EEIG2: variants seen among roughly 807,000 people sequenced by gnomAD.
The protein encoded by EEIG2 is EEIG family member 2, also known as family with sequence similarity 102 member B.
the EEIG2 span, among the ~76,000 whole-genome samples, chr1:108,573,898 G>A: frequency 6.6e-6 from 1 of 152,192 alleles, no homozygotes; most frequent in African/African-American, 2.4e-5. Flanking sequence ...ACAAGTGTTG[G>A]CAATGATGTG....
chr1:108,634,569 C>G, the EEIG2 span, among the ~76,000 whole-genome samples: 2 of 152,118 alleles, frequency 1.3e-5, no homozygotes, highest in Non-Finnish European at 2.9e-5. Context: ...GTGGCTCATG[C>G]CTGTAATCCA....
the EEIG2 span, among the ~76,000 whole-genome samples, chr1:108,603,322 G>A: frequency 1.3e-5 from 2 of 152,178 alleles, no homozygotes; most frequent in Non-Finnish European, 2.9e-5. Context: ...AGGTCTAAAG[G>A]AACAAAAACT....
the EEIG2 span, among the ~76,000 whole-genome samples, chr1:108,573,434 T>C: frequency 1.3e-5 from 2 of 152,186 alleles, no homozygotes; most frequent in Admixed American, 6.5e-5. Context: ...CTTGAAAAAC[T>C]ACAGTACCTC....
chr1:108,607,071 A>T, the EEIG2 span, among the ~76,000 whole-genome samples: 1 of 152,144 alleles, frequency 6.6e-6, no homozygotes, highest in Non-Finnish European at 1.5e-5. Flanking sequence ...TCAACTAGAG[A>T]TTTTTCCTAT....
chr1:108,609,588 C>CT, the EEIG2 span, among the ~76,000 whole-genome samples: 1 of 152,094 alleles, frequency 6.6e-6, no homozygotes, highest in South Asian at 2.1e-4. Context: ...ACAGTAAGTG[C>CT]TAAAGGCCTT....
At chr1:108,625,598 T>C in the EEIG2 span, 2 of 152,204 alleles carry the variant, frequency 1.3e-5, no homozygotes, top group Non-Finnish European at 2.9e-5. Flanking sequence ...CTCTTCAGCA[T>C]GTAAATATGC....
the EEIG2 span, among the ~76,000 whole-genome samples, chr1:108,619,602 A>G: frequency 6.6e-6 from 1 of 152,224 alleles, no homozygotes; most frequent in African/African-American, 2.4e-5. Context: ...CAAATATATT[A>G]TGAGGCCAAG....
the EEIG2 span, among the ~76,000 whole-genome samples, chr1:108,602,956 G>A: frequency 5.2e-5 from 6 of 114,546 alleles, no homozygotes; most frequent in East Asian, 5.7e-4. Context: ...TGAGGGAGAC[G>A]GGGGACATAA....
the EEIG2 span, chr1:108,625,641 A>G: frequency 6.6e-6 from 1 of 152,138 alleles, no homozygotes; most frequent in Non-Finnish European, 1.5e-5. Context: ...AAATGAAAAC[A>G]AAAACTCCTT....
chr1:108,571,717 G>T, the EEIG2 span, among the ~76,000 whole-genome samples: 1 of 152,200 alleles, frequency 6.6e-6, no homozygotes, highest in African/African-American at 2.4e-5. Flanking sequence ...ATGAGGTTGC[G>T]TTAGGTCCTG....
the EEIG2 span, chr1:108,635,697 AT>A: frequency 6.6e-6 from 1 of 152,386 alleles, no homozygotes; most frequent in African/African-American, 2.4e-5. Flanking sequence ...TTAGACTACA[AT>A]TTAAACATGT....
chr1:108,599,633 A>G, the EEIG2 span, among the ~76,000 whole-genome samples: 23 of 152,202 alleles, frequency 1.5e-4, no homozygotes, highest in Admixed American at 9.8e-4. Flanking sequence ...CCTAGTTTGA[A>G]TGCCAGTTCT....
chr1:108,560,570 C>T, the EEIG2 span: 1 of 1,608,698 alleles, frequency 6.2e-7, no homozygotes, highest in Non-Finnish European at 8.5e-7. Flanking sequence ...CTCCAGGTAA[C>T]TCGCCTCCCG....
chr1:108,560,818 G>A, the EEIG2 span, among the ~76,000 whole-genome samples: 1 of 152,160 alleles, frequency 6.6e-6, no homozygotes, highest in Non-Finnish European at 1.5e-5. Flanking sequence ...GCAATGGCCA[G>A]AGAGGGAGGA....
the EEIG2 span, among the ~76,000 whole-genome samples, chr1:108,602,454 G>A: frequency 6.6e-6 from 1 of 152,138 alleles, no homozygotes; most frequent in African/African-American, 2.4e-5. Flanking sequence ...TCACGTGATT[G>A]TTTTCTCCCT....
At chr1:108,575,170 T>C in the EEIG2 span, among the ~76,000 whole-genome samples, 1 of 152,238 alleles carries the variant, frequency 6.6e-6, no homozygotes, top group African/African-American at 2.4e-5. Context: ...GATTCAGTGT[T>C]GCTATAGCAC....
the EEIG2 span, chr1:108,616,444 A>G: frequency 4.6e-6 from 7 of 1,521,478 alleles, no homozygotes; most frequent in South Asian, 1.1e-5. Context: ...TTGATACCCA[A>G]TAAATGGATT....
chr1:108,603,313 G>T, the EEIG2 span, among the ~76,000 whole-genome samples: 4 of 152,212 alleles, frequency 2.6e-5, no homozygotes, highest in Non-Finnish European at 5.9e-5. Flanking sequence ...AATCTTAACA[G>T]GTCTAAAGGA....
At chr1:108,633,038 G>C in the EEIG2 span, among the ~76,000 whole-genome samples, 1 of 146,888 alleles carries the variant, frequency 6.8e-6, no homozygotes. Flanking sequence ...TCCCACTCCA[G>C]CCTCTCAAAG....
Sources: gnomAD v4.1 joint callset for allele counts (sites outside exome capture counted in the v4.1 genomes callset) on GRCh38, gnomAD v4.1.1 for gene constraint, MANE v1.5 for transcripts, NCBI Gene and HGNC (gene_info 2026-07-23, HGNC 2026-07-21) for gene names.